The following RPS16 variants were observed in gnomAD, a reference collection of about 807,000 sequenced individuals.
The protein encoded by RPS16 is ribosomal protein S16.
RPS16 carries 2 observed loss-of-function variants against 20.1 expected under a neutral mutation model. The observed-to-expected ratio is 0.10, with a 90% confidence interval of 0.04 to 0.31. The LOEUF is 0.31. RPS16 is among the 10% of genes least tolerant of loss of function. The pLI is 1.00. For synonymous variants in RPS16, 95 were observed against 76.1 expected (o/e 1.25, Z -1.29); for missense variants, 129 against 198.6 (o/e 0.65, Z 2.11).
rs2078840582 is a variant in RPS16 at position 39,433,378 on chromosome 19, G to A, written c.336C>T (p.Leu112=). ...EASKKEIKDI[L]IQYDRTLLVA... Reference sequence around the variant, plus strand: ...CCAGCAGGGTCCGGTCATACTGGATGAGGATGTCTTTGATCTCCTTCTTGG... The same window carrying A: ...CCAGCAGGGTCCGGTCATACTGGATAAGGATGTCTTTGATCTCCTTCTTGG... Residue 112 remains leucine, a synonymous_variant, in exon 5 of 5, where the codon CTC becomes CTT. Coordinates refer to ENST00000251453, the MANE Select transcript of RPS16 (RefSeq NM_001020.6). 1.9e-6 allele frequency: 3 copies of A among 1,614,200 alleles called. No homozygotes were observed. The highest frequency in any genetic ancestry group is 1.1e-5 in the South Asian group (1 of 91,084).
Position 39,433,178 on chromosome 19 carries a change from C to G in RPS16, c.*95G>C. Reference sequence around the variant, plus strand: ...TACTGATTTCTGTCTGGTTAAACATCCAATACCAACACATAAGGCCACACA... The same window carrying G: ...TACTGATTTCTGTCTGGTTAAACATGCAATACCAACACATAAGGCCACACA... On this transcript the variant is annotated 3_prime_UTR_variant, in exon 5 of 5. Transcript: ENST00000251453. 1 of 1,317,714 alleles carries G rather than the reference C, an allele frequency of 7.6e-7. No individual in the cohort carries two copies. The highest frequency in any genetic ancestry group is 1.1e-6 in the Non-Finnish European group (1 of 933,438). The allele number at this position is 1,317,714 out of a possible 1,614,324, so 81.6% of individuals were successfully genotyped here. A position where few individuals can be genotyped will look rare whatever the true frequency, so the allele number is the denominator to read the frequency against.
At chr19:39,433,945 A>G (rs919818884) in intron 2 of RPS16, 184 bp from the exon 3 acceptor site, 1 of 595,888 alleles carries the variant, frequency 1.7e-6, no homozygotes, top group Non-Finnish European at 3.0e-6. Context: ...AAAGCCAGAT[A>G]TGAGACTGCT....
At chr19:39,433,822 C>T in intron 2 of RPS16, 61 bp from the exon 3 acceptor site, 1 of 1,527,880 alleles carries the variant, frequency 6.5e-7, no homozygotes, top group Non-Finnish European at 9.0e-7. Flanking sequence ...AGCCATCTCA[C>T]TGGGCTTCTT....
intron 2 of RPS16, chr19:39,435,353 C>A (rs1419279479): frequency 1.2e-5 from 6 of 491,772 alleles, no homozygotes; most frequent in Non-Finnish European, 2.2e-5. Flanking sequence ...TTTGGGTCCC[C>A]CCGCCCCAGT....
intron 1 of RPS16, 45 bp downstream of exon 1, chr19:39,435,803 T>G (rs2078859391): frequency 6.2e-7 from 1 of 1,608,918 alleles, no homozygotes; most frequent in Admixed American, 1.7e-5. Context: ...TCCCAGACCC[T>G]GGCCTTCTCC....
chr19:39,433,711 G>A lies in RPS16; in HGVS notation c.201C>T (p.Asp67=), dbSNP rs775117336. The change falls in exon 3 of 5, where the codon GAC becomes GAT. Residue 67 remains aspartate (D), a synonymous_variant. Coordinates refer to ENST00000251453, the MANE Select transcript of RPS16 (RefSeq NM_001020.6). ...CACCACCCTTTACACGGACACGGATGTCTACACCAGCAAATCGCTCCTTGC... is the reference window on the plus strand; with the variant it reads ...CACCACCCTTTACACGGACACGGATATCTACACCAGCAAATCGCTCCTTGC... ...LLGKERFAGV[D]IRVRVKGGGH... The A allele has an allele frequency of 5.0e-6, 8 of 1,614,012 alleles. No individual in the cohort carries two copies. The highest frequency in any genetic ancestry group is 3.3e-5 in the Admixed American group (2 of 60,002).
At chr19:39,433,858 G>A (rs955100945) in intron 2 of RPS16, 97 bp from the exon 3 acceptor site, 89 of 1,154,244 alleles carry the variant, frequency 7.7e-5, no homozygotes, top group Non-Finnish European at 9.8e-5. Flanking sequence ...GCCACCACTG[G>A]CCTTCAAGTA....
Position 39,435,144 on chromosome 19 carries a change from C to A in RPS16, c.150+463G>T, listed in dbSNP as rs2078853331. ...CGAAACCCCGTCTCTACTAAAAATA[C>A]AAAAATTAGCCGGGCGTGGTGGTGC... On this transcript the variant is annotated intron_variant, in intron 2 of 4. Transcript: ENST00000251453. The A allele has an allele frequency of 4.4e-5, 7 of 159,446 alleles. No homozygotes were observed. The South Asian group carries it at 1.1e-3, about 24-fold the overall frequency. The allele number at this position is 159,446 out of a possible 1,614,324, so 9.9% of individuals were successfully genotyped here. A position where few individuals can be genotyped will look rare whatever the true frequency, so the allele number is the denominator to read the frequency against.
intron 2 of RPS16, chr19:39,434,876 T>C (rs756465310): frequency 1.3e-5 from 2 of 152,254 alleles, no homozygotes; most frequent in African/African-American, 2.4e-5. Flanking sequence ...TAGATATTCT[T>C]TCTTTTAAAA....
At chr19:39,434,865 G>A (rs1463314020) in intron 2 of RPS16, 6 of 152,222 alleles carry the variant, frequency 3.9e-5, no homozygotes, top group African/African-American at 1.4e-4. Context: ...ACCCTGCAAT[G>A]TAGATATTCT....
Position 39,435,911 on chromosome 19 carries a change from C to G in RPS16, c.-16G>C, listed in dbSNP as rs199845528. The G allele has an allele frequency of 1.0e-3, 1,664 of 1,603,742 alleles. No individual in the cohort carries two copies. The highest frequency in any genetic ancestry group is 1.3e-3 in the Non-Finnish European group (1,525 of 1,179,936). ...TGGACGGCATGGCTCCGAGCGTGGA[C>G]TAGACAACCTCACCGCGCGGCGCCG... On this transcript the variant is annotated 5_prime_UTR_variant, in exon 1 of 5. Transcript: ENST00000251453.
In RPS16 at chr19:39,433,229, CAAA is replaced by C. The variant is rs1186276491; in HGVS notation, c.*41_*43del. The C allele has an allele frequency of 1.9e-6, 3 of 1,603,686 alleles. No individual in the cohort carries two copies. In the African/African-American group the frequency reaches 4.0e-5, roughly 22 times the overall value. On this transcript the variant is annotated 3_prime_UTR_variant, in exon 5 of 5. Transcript: ENST00000251453. Reference sequence around the variant, plus strand: ...CAGTTCTTGAAACTTTAAAATCCCTCAAAAACTGTTTATTATACAAGTGAGTTT... The same window carrying C: ...CAGTTCTTGAAACTTTAAAATCCCTCAACTGTTTATTATACAAGTGAGTTT...
At position 39,435,611 on chromosome 19, in the gene RPS16, T is replaced by C. The variant is rs1274019414; in HGVS notation, c.146A>G (p.Tyr49Cys). 6.2e-7 allele frequency: 1 copy of C among 1,613,452 alleles called. No homozygotes were observed. Among genetic ancestry groups the C allele is most frequent in the South Asian group, 1.1e-5 (1 of 91,066 alleles). Residue 49 changes from tyrosine (Y) to cysteine (C), a missense_variant, in exon 2 of 5, where the codon TAC (tyrosine) becomes TGC (cysteine). Transcript: ENST00000251453. Reference sequence around the variant, plus strand: ...GCCGGTGCCGGATCCCAGCACCTTGTACTGTAGCGTGCGCGGCTCAATCAT... The same window carrying C: ...GCCGGTGCCGGATCCCAGCACCTTGCACTGTAGCGTGCGCGGCTCAATCAT... ...LEMIEPRTLQ[Y>C]KLLEPVLLLG...
intron 2 of RPS16, chr19:39,434,095 G>C (rs1010443296): frequency 3.0e-6 from 1 of 328,994 alleles, no homozygotes; most frequent in Admixed American, 4.1e-5. Flanking sequence ...CATTCCAATA[G>C]CTTCTGAAAC....
In RPS16 at chr19:39,433,163, T is replaced by C; in HGVS notation, c.*110A>G. 8.3e-7 allele frequency: 1 copy of C among 1,198,652 alleles called. No individual in the cohort carries two copies. Among genetic ancestry groups the C allele is most frequent in the East Asian group, 2.3e-5 (1 of 42,764 alleles). The allele number at this position is 1,198,652 out of a possible 1,614,324, so 74.3% of individuals were successfully genotyped here. On this transcript the variant is annotated 3_prime_UTR_variant, in exon 5 of 5. Coordinates refer to ENST00000251453, the MANE Select transcript of RPS16 (RefSeq NM_001020.6). The stretch of plus-strand genomic sequence containing the variant: ...TAGGTCCAGGATGTTTACTGATTTC[T>C]GTCTGGTTAAACATCCAATACCAAC...
chr19:39,435,323 T>G (rs1484406834), intron 2 of RPS16: 1 of 407,948 alleles, frequency 2.5e-6, no homozygotes, highest in African/African-American at 2.1e-5. Context: ...AAATAAAAAA[T>G]AGTCGGTGTC....
intron 1 of RPS16, 21 bp from the exon 2 acceptor site, chr19:39,435,729 AG>A (rs760404471): frequency 1.2e-6 from 2 of 1,612,090 alleles, no homozygotes; most frequent in East Asian, 4.5e-5. Flanking sequence ...CAAGAGAAAC[AG>A]GGGCCCCGTG....
In RPS16 at chr19:39,435,818, C is replaced by T. The variant is rs747899306; in HGVS notation, c.48+30G>A. On this transcript the variant is annotated intron_variant, in intron 1 of 4. Coordinates refer to ENST00000251453, the MANE Select transcript of RPS16 (RefSeq NM_001020.6). ...TCCCAGACCCTGGCCTTCTCCTTCC[C>T]CTCCCCTTCCCATCCGGCGTCTGGC... is the stretch of plus-strand genomic sequence containing the variant. 3.2e-5 allele frequency: 51 copies of T among 1,610,366 alleles called. No homozygotes were observed. In the Admixed American group the frequency reaches 7.0e-4, roughly 22 times the overall value.
intron 2 of RPS16, 167 bp from the exon 3 acceptor site, chr19:39,433,928 A>T (rs2078845200): frequency 1.6e-6 from 1 of 625,976 alleles, no homozygotes; most frequent in Non-Finnish European, 2.8e-6. Context: ...AGAAGAGGAA[A>T]GTCAAAAAAG....
Sources: gnomAD v4.1 joint callset for allele counts on GRCh38, gnomAD v4.1.1 for gene constraint, MANE v1.5 for transcripts, NCBI Gene and HGNC (gene_info 2026-07-23, HGNC 2026-07-21) for gene names.